The following FARP2 variants were observed in gnomAD, a reference collection of about 807,000 sequenced individuals.
The protein encoded by FARP2 is FERM, ARHGEF and pleckstrin domain-containing protein 2.
A neutral mutation model predicts 130.5 loss-of-function variants in FARP2; 111 were observed. The ratio of observed to expected loss-of-function variants is 0.85; its 90% CI spans 0.73 to 1.00. The LOEUF is 1.00. Among genes scored for constraint, FARP2 ranks in the 50% least tolerant of loss-of-function variants. The pLI, the probability that FARP2 is intolerant of heterozygous loss-of-function variation, is 0.00. For synonymous variants in FARP2, 504 were observed against 516.9 expected (o/e 0.98, Z 0.34); for missense variants, 1,385 against 1,346.3 (o/e 1.03, Z -0.45).
chr2:241,462,724 C>A, intron 15 of FARP2, 112 bp downstream of exon 15: 1 of 717,050 alleles, frequency 1.4e-6, no homozygotes, highest in Non-Finnish European at 2.4e-6. Flanking sequence ...GAGCCTCACT[C>A]TGTCACCCAG....
At chr2:241,398,820 C>T (rs1049889838) in intron 2 of FARP2, among the ~76,000 whole-genome samples, 3 of 152,130 alleles carry the variant, frequency 2.0e-5, no homozygotes, top group African/African-American at 4.8e-5. Flanking sequence ...CTGCCTGCCT[C>T]GGCTTCCCAA....
At position 241,463,486 on chromosome 2, in the gene FARP2, C is replaced by G; in HGVS notation, c.1811+18C>G. On this transcript the variant is annotated intron_variant, in intron 16 of 26. Transcript: ENST00000264042. ...GCACTCTGGTAACACCCCTTCAGCC[C>G]CCACACGGGAGACTCCCACACCAAC... 2 of 1,610,484 alleles carry G rather than the reference C, an allele frequency of 1.2e-6. No individual in the cohort carries two copies. The highest frequency in any genetic ancestry group is 1.1e-5 in the South Asian group (1 of 90,992).
intron 2 of FARP2, among the ~76,000 whole-genome samples, chr2:241,383,950 CTT>C (rs1384782955): frequency 6.6e-6 from 1 of 152,042 alleles, no homozygotes; most frequent in Admixed American, 6.5e-5. Flanking sequence ...AATGTGAGCT[CTT>C]TTCAGTGCAC....
At chr2:241,437,825 T>C (rs6706691) in intron 12 of FARP2, among the ~76,000 whole-genome samples, 121,408 of 151,774 alleles carry the variant, frequency 0.8, 48,726 homozygotes, top group East Asian at 0.95. Context: ...CCACCACGCC[T>C]GGCTAATTTG....
chr2:241,362,094 G>A (rs901846676), intron 1 of FARP2, among the ~76,000 whole-genome samples: 1 of 151,644 alleles, frequency 6.6e-6, no homozygotes, highest in African/African-American at 2.4e-5. Context: ...ACAGGGTTTC[G>A]CCATGTTGGC....
intron 22 of FARP2, 146 bp from the exon 23 acceptor site, chr2:241,490,915 G>A: frequency 1.4e-6 from 1 of 695,844 alleles, no homozygotes; most frequent in East Asian, 2.5e-5. Flanking sequence ...ATTCTCGCTG[G>A]AGGGGACACG....
At position 241,491,520 on chromosome 2, in the gene FARP2, C is replaced by T. The variant is rs1298227627; in HGVS notation, c.2628C>T (p.Ser876=). 3.7e-6 allele frequency: 6 copies of T among 1,613,248 alleles called. No individual in the cohort carries two copies. The highest frequency in any genetic ancestry group is 5.1e-6 in the Non-Finnish European group (6 of 1,179,850). ...GRTVCTRPPR[S]PNEVSLEQES... ...ACGCTGCTGACTTCTCCCCAGGATC[C>T]CCCAACGAGGTATCTCTGGAGCAGG... Residue 876 remains serine, a synonymous_variant, in exon 24 of 27, where the codon TCC becomes TCT. Transcript: ENST00000264042.
At chr2:241,486,461 CAAAAAAAAAA>C (rs56961097) in intron 21 of FARP2, among the ~76,000 whole-genome samples, 4 of 50,018 alleles carry the variant, frequency 8.0e-5, no homozygotes, top group Non-Finnish European at 1.3e-4. Context: ...GACCTCGTCT[CAAAAAAAAAA>C]AAAAAAAAAA....
intron 9 of FARP2, 113 bp from the exon 10 acceptor site, chr2:241,434,045 C>A: frequency 1.2e-6 from 1 of 852,414 alleles, no homozygotes; most frequent in Non-Finnish European, 1.8e-6. Flanking sequence ...AAAAAAAAAC[C>A]TTACTGATTT....
At chr2:241,363,372 C>T (rs1171485842) in intron 1 of FARP2, among the ~76,000 whole-genome samples, 1 of 152,226 alleles carries the variant, frequency 6.6e-6, no homozygotes, top group Non-Finnish European at 1.5e-5. Context: ...TCCTGCAGCT[C>T]AGTCCCAGGC....
intron 12 of FARP2, 36 bp from the exon 13 acceptor site, chr2:241,441,268 A>G (rs763335570): frequency 2.8e-5 from 43 of 1,531,214 alleles, no homozygotes; most frequent in Non-Finnish European, 3.3e-5. Flanking sequence ...TTGTAATTTT[A>G]TATCCTTTTT....
At chr2:241,365,146 T>C (rs1209034988) in intron 1 of FARP2, among the ~76,000 whole-genome samples, 1 of 152,236 alleles carries the variant, frequency 6.6e-6, no homozygotes, top group Non-Finnish European at 1.5e-5. Flanking sequence ...TCAAAAATTA[T>C]TGCTAGATTT....
At chr2:241,387,989 C>T (rs2061827789) in intron 2 of FARP2, among the ~76,000 whole-genome samples, 1 of 151,996 alleles carries the variant, frequency 6.6e-6, no homozygotes, top group Non-Finnish European at 1.5e-5. Context: ...GTTAAGATGG[C>T]AATACTCTCA....
intron 17 of FARP2, chr2:241,466,040 T>G: frequency 7.9e-7 from 1 of 1,265,840 alleles, no homozygotes. Flanking sequence ...ATTATCATAC[T>G]GTAGTCATCT....
intron 5 of FARP2, 29 bp from the exon 6 acceptor site, chr2:241,411,004 T>C (rs2062503286): frequency 7.0e-7 from 1 of 1,420,678 alleles, no homozygotes; most frequent in Admixed American, 1.8e-5. Flanking sequence ...TTGGAATTGA[T>C]CTCTGTCTTA....
intron 8 of FARP2, among the ~76,000 whole-genome samples, chr2:241,426,389 G>C (rs1574800744): frequency 1.3e-5 from 2 of 152,332 alleles, no homozygotes; most frequent in South Asian, 4.1e-4. Context: ...AGCTCAGCTT[G>C]TGAGCAATGC....
chr2:241,436,248 C>A (rs138298343), intron 11 of FARP2, among the ~76,000 whole-genome samples: 2 of 152,084 alleles, frequency 1.3e-5, no homozygotes, highest in Non-Finnish European at 1.5e-5. Flanking sequence ...GTTGTTTCTC[C>A]GCACGTGGAA....
chr2:241,373,595 C>A (rs1218821024), intron 2 of FARP2, among the ~76,000 whole-genome samples: 1 of 152,166 alleles, frequency 6.6e-6, no homozygotes, highest in African/African-American at 2.4e-5. Context: ...CCAGACCTTC[C>A]CAGCTTAAGC....
intron 5 of FARP2, among the ~76,000 whole-genome samples, chr2:241,409,079 C>T (rs952686071): frequency 2.3e-5 from 2 of 88,170 alleles, no homozygotes; most frequent in African/African-American, 8.1e-5. Flanking sequence ...TAGATAGATA[C>T]CTGAAAATGA....
Sources: gnomAD v4.1 joint callset for allele counts (sites outside exome capture counted in the v4.1 genomes callset) on GRCh38, gnomAD v4.1.1 for gene constraint, MANE v1.5 for transcripts, NCBI Gene and HGNC (gene_info 2026-07-23, HGNC 2026-07-21) for gene names.